AXIN1: variants seen among roughly 807,000 people sequenced by gnomAD.
AXIN1 encodes axin-1.
Under a neutral mutation model 76.4 loss-of-function variants are expected in AXIN1, and 30 were observed. The ratio of observed to expected loss-of-function variants is 0.39; its 90% CI spans 0.29 to 0.53. AXIN1 has a LOEUF of 0.53. Ranked by LOEUF, AXIN1 falls within the 20% of genes least tolerant of loss-of-function variation. AXIN1 has a pLI of 0.66. For synonymous variants in AXIN1, 545 were observed against 501.4 expected (o/e 1.09, Z -1.16); for missense variants, 1,140 against 1,198.8 (o/e 0.95, Z 0.72).
chr16:290,410 C>T (rs1041306896), intron 9 of AXIN1: 2 of 155,792 alleles, frequency 1.3e-5, no homozygotes, highest in Non-Finnish European at 2.8e-5. Flanking sequence ...AGACGTCCTC[C>T]CAGTGCCACA....
intron 3 of AXIN1, among the ~76,000 whole-genome samples, chr16:312,981 T>TG (rs1007012909): frequency 5.5e-4 from 83 of 152,146 alleles, no homozygotes; most frequent in African/African-American, 2.0e-3. Context: ...GCCCAGGAGT[T>TG]GGAGACTGCA....
At chr16:298,818 G>T (rs1269544758) in intron 5 of AXIN1, among the ~76,000 whole-genome samples, 6 of 152,016 alleles carry the variant, frequency 3.9e-5, no homozygotes, top group Non-Finnish European at 8.8e-5. Flanking sequence ...ACCCAGGCTG[G>T]AGTGCAATGG....
At chr16:320,947 T>A (rs452972) in intron 2 of AXIN1, among the ~76,000 whole-genome samples, 7 of 151,430 alleles carry the variant, frequency 4.6e-5, no homozygotes, top group Non-Finnish European at 8.8e-5. Flanking sequence ...GCCGTGTTGG[T>A]CAGGCTGGTC....
At chr16:345,453 G>A (rs1312694554) in intron 2 of AXIN1, among the ~76,000 whole-genome samples, 8 of 152,328 alleles carry the variant, frequency 5.3e-5, no homozygotes, top group Admixed American at 2.0e-4. Flanking sequence ...GGCGGCTCAC[G>A]CCTGTAATCC....
chr16:314,974 T>C (rs1597048112), intron 2 of AXIN1, among the ~76,000 whole-genome samples: 1 of 152,296 alleles, frequency 6.6e-6, no homozygotes, highest in East Asian at 1.9e-4. Context: ...TTTGGGTTTG[T>C]TTTCCGTGCA....
In AXIN1 at chr16:290,026, C is replaced by A. The variant is rs74003740; in HGVS notation, c.2295-419G>T. On this transcript the variant is annotated intron_variant, in intron 9 of 10. Transcript: ENST00000262320. ...GCACGATTTCTGGATAAGCCTGACCCCGCAGCGAAGTTTGTCGGAGGACTG... is the reference window on the plus strand; with the variant it reads ...GCACGATTTCTGGATAAGCCTGACCACGCAGCGAAGTTTGTCGGAGGACTG... 7.5e-3 allele frequency: 2,067 copies of A among 276,576 alleles called. 53 individuals are homozygous for A. Among genetic ancestry groups the A allele is most frequent in the African/African-American group, 0.043 (1,938 of 45,468 alleles). The allele number at this position is 276,576 out of a possible 1,614,324, so 17.1% of individuals were successfully genotyped here. A position where few individuals can be genotyped will look rare whatever the true frequency, so the allele number is the denominator to read the frequency against.
chr16:302,508 A>G (rs1271696721), intron 5 of AXIN1, among the ~76,000 whole-genome samples: 1 of 152,246 alleles, frequency 6.6e-6, no homozygotes, highest in Non-Finnish European at 1.5e-5. Flanking sequence ...GGTCCCCGCC[A>G]TGAATCCCAG....
intron 2 of AXIN1, among the ~76,000 whole-genome samples, chr16:324,398 T>C (rs1056806248): frequency 1.3e-5 from 2 of 152,004 alleles, no homozygotes; most frequent in African/African-American, 4.8e-5. Context: ...AGAAGCGATA[T>C]GGAAAGGCGG....
chr16:298,125 C>A lies in AXIN1; in HGVS notation c.1381G>T (p.Asp461Tyr), dbSNP rs1265286816. 1.3e-6 allele frequency: 2 copies of A among 1,544,440 alleles called. No individual in the cohort carries two copies. Among genetic ancestry groups the A allele is most frequent in the Non-Finnish European group, 1.7e-6 (2 of 1,148,186 alleles). Residue 461 changes from aspartate to tyrosine, a missense_variant, in exon 6 of 11, where the codon GAT becomes TAT. This residue lies in a region of AXIN1 where 708 missense variants were observed against 776.9 expected (regional missense o/e 0.91). Coordinates refer to ENST00000262320, the MANE Select transcript of AXIN1 (RefSeq NM_003502.4). ...CTCTCAGGGTTCTCCTCGTGTGCAT[C>A]CCGGAGCCCGGCACAGCCCATGTCC... ...CVDMGCAGLR[D>Y]AHEENPESIL...
chr16:333,594 A>G (rs994104630), intron 2 of AXIN1, among the ~76,000 whole-genome samples: 1 of 152,070 alleles, frequency 6.6e-6, no homozygotes, highest in Non-Finnish European at 1.5e-5. Flanking sequence ...TGGAGGGAAG[A>G]AAAAAAGCAC....
At chr16:329,618 G>T (rs1401112113) in intron 2 of AXIN1, among the ~76,000 whole-genome samples, 6 of 147,742 alleles carry the variant, frequency 4.1e-5, no homozygotes, top group Admixed American at 2.0e-4. Flanking sequence ...GCTAATTTTT[G>T]TTTTTTTTTG....
intron 2 of AXIN1, among the ~76,000 whole-genome samples, chr16:315,845 A>G (rs1050211095): frequency 1.3e-5 from 2 of 150,798 alleles, no homozygotes; most frequent in African/African-American, 4.9e-5. Context: ...AAAAAAAAAA[A>G]AAAAAAAGAA....
Position 291,282 on chromosome 16 carries a change from A to G in AXIN1, c.2202T>C (p.Val734=). The change falls in exon 9 of 11, where the codon GTT becomes GTC. Residue 734 remains valine (V), a synonymous_variant. Transcript: ENST00000262320. ...APSKQRYVQE[V]MRRGRACVRP... ...TGACGCAGGCGCGTCCCCGCCGCAT[A>G]ACCTCCTGCACATACCTAGGGAACA... 6.3e-7 allele frequency: 1 copy of G among 1,580,102 alleles called. No individual in the cohort carries two copies. The highest frequency in any genetic ancestry group is 2.3e-5 in the East Asian group (1 of 43,586).
Position 296,539 on chromosome 16 carries a change from G to A in AXIN1, c.1955+517C>T, listed in dbSNP as rs151008651. Among the ~76,000 whole-genome samples the A allele has an allele frequency of 5.5e-3, 835 of 152,348 alleles. 6 individuals are homozygous for A. The highest frequency in any genetic ancestry group is 8.7e-3 in the Non-Finnish European group (593 of 68,030). The stretch of plus-strand genomic sequence containing the variant: ...AGACCGGCCCGGCGGGCAGCGGCAG[G>A]GGCTGGACCTGTGGCGCCGGGGCCT... On this transcript the variant is annotated intron_variant, in intron 7 of 10. Transcript: ENST00000262320.
In AXIN1 at chr16:346,541, G is replaced by C. The variant is rs758373831; in HGVS notation, c.485C>G (p.Pro162Arg). Residue 162 changes from proline to arginine, a missense_variant, in exon 2 of 11, where the codon CCA becomes CGA. By Grantham distance (103) the Pro-to-Arg change is moderately radical (BLOSUM62 -2). This residue lies in a region of AXIN1 where 708 missense variants were observed against 776.9 expected (regional missense o/e 0.91). Transcript: ENST00000262320. ...NNGIVSRQTK[P>R]ATKSFIKGCI... is the part of the protein sequence containing the mutation. ...GCCCTTTATGAAGCTCTTGGTGGCTGGCTTGGTCTGCCGGGACACGATGCC... is the reference window on the plus strand; with the variant it reads ...GCCCTTTATGAAGCTCTTGGTGGCTCGCTTGGTCTGCCGGGACACGATGCC... The C allele has an allele frequency of 6.2e-7, 1 of 1,614,164 alleles. No homozygotes were observed. Among genetic ancestry groups the C allele is most frequent in the East Asian group, 2.2e-5 (1 of 44,878 alleles).
chr16:293,446 G>A lies in AXIN1; in HGVS notation c.2186+42C>T, dbSNP rs1358249025. On this transcript the variant is annotated intron_variant, in intron 8 of 10. Coordinates refer to ENST00000262320, the MANE Select transcript of AXIN1 (RefSeq NM_003502.4). This position sits in a 1 kb window ranked among gnomAD's most constrained non-coding sequence, Gnocchi z 4.6. ...GCTTCAGCCCCAGGAGTGGTGCTGT[G>A]GTAACCCCCAAGACCCACCCCACCC... is the stretch of plus-strand genomic sequence containing the variant. 4 of 1,585,194 alleles carry A rather than the reference G, an allele frequency of 2.5e-6. No homozygotes were observed. In the African/African-American group the frequency reaches 4.0e-5, roughly 16 times the overall value.
chr16:334,678 C>A (rs916820271), intron 2 of AXIN1, among the ~76,000 whole-genome samples: 12 of 151,592 alleles, frequency 7.9e-5, no homozygotes, highest in Non-Finnish European at 1.8e-4. Context: ...GCTAATTACA[C>A]AGCACCCAAT....
chr16:301,058 C>T (rs1162683859), intron 5 of AXIN1, among the ~76,000 whole-genome samples: 1 of 151,842 alleles, frequency 6.6e-6, no homozygotes, highest in Non-Finnish European at 1.5e-5. Flanking sequence ...ATCACAAGGT[C>T]GGGAGATCGA....
At position 295,334 on chromosome 16, in the gene AXIN1, T is replaced by C. The variant is rs554259268; in HGVS notation, c.1956-1616A>G. 2.0e-5 allele frequency among the ~76,000 whole-genome samples: 3 copies of C among 151,904 alleles called. No individual in the cohort carries two copies. In the South Asian group the frequency reaches 6.2e-4, roughly 32 times the overall value. On this transcript the variant is annotated intron_variant, in intron 7 of 10. Coordinates refer to ENST00000262320, the MANE Select transcript of AXIN1 (RefSeq NM_003502.4). The stretch of plus-strand genomic sequence containing the variant: ...CATGTTGGCCAGTCTGGTCTCGAAC[T>C]CCGGACCTCAAGCGATCCACCTGCC...
Sources: allele counts gnomAD v4.1 joint callset (sites outside exome capture counted in the v4.1 genomes callset), GRCh38; gene constraint gnomAD v4.1.1; regional missense constraint gnomAD v4.1.1; non-coding constraint Gnocchi (gnomAD v3.1); transcripts MANE v1.5; gene names NCBI Gene and HGNC (gene_info 2026-07-23, HGNC 2026-07-21).